The following CPNE4 variants were observed in gnomAD, a reference collection of about 807,000 sequenced individuals.
CPNE4 encodes copine 4.
CPNE4 carries 25 observed loss-of-function variants against 67.9 expected under a neutral mutation model. The observed-to-expected ratio is 0.37, with a 90% CI of 0.27 to 0.51. CPNE4 has a LOEUF of 0.51. CPNE4 is among the 20% of genes least tolerant of loss of function. CPNE4 has a pLI of 0.93. For missense variants in CPNE4, 464 were observed against 690.8 expected, an observed-to-expected ratio of 0.67 and a Z score of 3.68; for synonymous variants, 242 against 244.9, an observed-to-expected ratio of 0.99 and a Z score of 0.11.
chr3:131,754,740 A>G (rs1285863198), intron 2 of CPNE4, among the ~76,000 whole-genome samples: 2 of 152,330 alleles, frequency 1.3e-5, no homozygotes, highest in East Asian at 3.9e-4. Context: ...CCACGAAGCT[A>G]TGGGTCATGG....
intron 7 of CPNE4, among the ~76,000 whole-genome samples, chr3:131,649,940 G>T (rs1195937517): frequency 6.6e-6 from 1 of 152,134 alleles, no homozygotes; most frequent in Non-Finnish European, 1.5e-5. Context: ...GTGTCAGGTA[G>T]GCTGCATTTT....
intron 2 of CPNE4, among the ~76,000 whole-genome samples, chr3:131,792,734 T>TGTATATATACATATATACACAC: frequency 2.0e-5 from 1 of 50,520 alleles, no homozygotes; most frequent in Admixed American, 2.8e-4. Context: ...TATATACACG[T>TGTATATATACATATATACACAC]GTGTATATAT....
At chr3:131,673,372 A>G (rs1480348105) in intron 6 of CPNE4, among the ~76,000 whole-genome samples, 1 of 152,094 alleles carries the variant, frequency 6.6e-6, no homozygotes, top group African/African-American at 2.4e-5. Context: ...TCTGTGAAGA[A>G]TGTCATTGGT....
rs564708225 is a variant in CPNE4, at chr3:131,570,189, G to C, written c.927+4882C>G. On this transcript the variant is annotated intron_variant, in intron 10 of 15. Transcript: ENST00000429747. Reference sequence around the variant, plus strand: ...TCATGTAGCCATTACCTTATTGTTAGACATTTAGGTTGCTGACAGAGTGCC... The same window carrying C: ...TCATGTAGCCATTACCTTATTGTTACACATTTAGGTTGCTGACAGAGTGCC... Among the ~76,000 whole-genome samples the C allele has an allele frequency of 2.8e-3, 418 of 151,800 alleles. 1 individual carries two copies. Among genetic ancestry groups the C allele is most frequent in the South Asian group, 5.4e-3 (26 of 4,814 alleles).
chr3:131,792,671 ACATATATACACACG>A (rs1218881094), intron 2 of CPNE4, among the ~76,000 whole-genome samples: 2,980 of 41,506 alleles, frequency 0.072, 515 homozygotes, highest in African/African-American at 0.19. Context: ...GTGTATATAT[ACATATATACACACG>A]TGTATATATA....
chr3:131,859,929 T>C (rs916385691), intron 2 of CPNE4, among the ~76,000 whole-genome samples: 10 of 152,134 alleles, frequency 6.6e-5, no homozygotes, highest in Non-Finnish European at 1.3e-4. Flanking sequence ...CTAAATAAAA[T>C]AGAAAATATC....
intron 2 of CPNE4, among the ~76,000 whole-genome samples, chr3:131,805,048 T>C (rs1583230456): frequency 6.6e-6 from 1 of 152,220 alleles, no homozygotes; most frequent in Non-Finnish European, 1.5e-5. Context: ...AGCACTATCC[T>C]GAGTACTCCC....
chr3:131,847,125 C>T (rs539368490), intron 2 of CPNE4, among the ~76,000 whole-genome samples: 3 of 152,304 alleles, frequency 2.0e-5, no homozygotes, highest in Admixed American at 6.5e-5. Flanking sequence ...ATGGCTGGCT[C>T]CTCACAGGTG....
chr3:131,727,549 A>T (rs1300463391), intron 2 of CPNE4, among the ~76,000 whole-genome samples: 3 of 152,222 alleles, frequency 2.0e-5, no homozygotes, highest in Admixed American at 2.0e-4. Context: ...GCCTGCTATC[A>T]TGGTGCTCAT....
chr3:131,974,785 A>T (rs1441326346), intron 1 of CPNE4, among the ~76,000 whole-genome samples: 1 of 152,114 alleles, frequency 6.6e-6, no homozygotes, highest in East Asian at 1.9e-4. Flanking sequence ...AGGCAGGTGG[A>T]TTGCTTGAGC....
intron 6 of CPNE4, among the ~76,000 whole-genome samples, chr3:131,674,378 A>G (rs181190031): frequency 6.6e-6 from 1 of 152,026 alleles, no homozygotes; most frequent in Admixed American, 6.6e-5. Context: ...TAGTTCAGGT[A>G]GGATTGGTAT....
chr3:131,836,237 A>G (rs1233645199), intron 2 of CPNE4, among the ~76,000 whole-genome samples: 2 of 152,208 alleles, frequency 1.3e-5, no homozygotes, highest in African/African-American at 4.8e-5. Flanking sequence ...GTAAATACAT[A>G]AAAGGGATAA....
intron 2 of CPNE4, among the ~76,000 whole-genome samples, chr3:131,843,814 G>A (rs1176461829): frequency 1.3e-5 from 2 of 152,168 alleles, no homozygotes; most frequent in African/African-American, 2.4e-5. Flanking sequence ...CCCTTTATCG[G>A]TGGGTCAAAA....
chr3:131,929,088 T>G (rs994309362), intron 1 of CPNE4, among the ~76,000 whole-genome samples: 9 of 151,844 alleles, frequency 5.9e-5, no homozygotes, highest in African/African-American at 2.2e-4. Context: ...TCCCTGCTTC[T>G]GGGCTGGTTA....
chr3:131,542,482 G>A, intron 15 of CPNE4, 75 bp downstream of exon 15: 1 of 971,904 alleles, frequency 1.0e-6, no homozygotes, highest in East Asian at 2.4e-5. Context: ...ATAAACATTG[G>A]TGGACAAATG....
chr3:131,561,987 T>C (rs1254741530), intron 11 of CPNE4, among the ~76,000 whole-genome samples: 1 of 152,096 alleles, frequency 6.6e-6, no homozygotes, highest in Admixed American at 6.6e-5. Context: ...GTTGAGCTGC[T>C]TTCTTTATAT....
chr3:131,717,337 T>C (rs2081724416), intron 3 of CPNE4, among the ~76,000 whole-genome samples: 1 of 152,146 alleles, frequency 6.6e-6, no homozygotes, highest in Admixed American at 6.5e-5. Flanking sequence ...TAATTCTTTA[T>C]TATTTGTTTA....
chr3:131,886,693 C>A (rs1438093611), intron 2 of CPNE4, among the ~76,000 whole-genome samples: 1 of 145,190 alleles, frequency 6.9e-6, no homozygotes, highest in Admixed American at 7.0e-5. Context: ...CCTCTTCCAT[C>A]AGTGTGACCT....
At chr3:131,703,724 A>T (rs1201715669) in intron 3 of CPNE4, among the ~76,000 whole-genome samples, 1 of 151,932 alleles carries the variant, frequency 6.6e-6, no homozygotes, top group Admixed American at 6.6e-5. Flanking sequence ...TATTTTCAGA[A>T]TTTTTTTTAT....
Sources: allele counts gnomAD v4.1 joint callset (sites outside exome capture counted in the v4.1 genomes callset), GRCh38; gene constraint gnomAD v4.1.1; transcripts MANE v1.5; gene names NCBI Gene and HGNC (gene_info 2026-07-23, HGNC 2026-07-21).